SPAST: variants seen among roughly 807,000 people sequenced by gnomAD.
SPAST encodes the protein spastic paraplegia 4 (autosomal dominant; spastin).
SPAST carries 30 observed loss-of-function variants against 76.6 expected under a neutral mutation model. The ratio of observed to expected loss-of-function variants is 0.39; its 90% CI spans 0.29 to 0.53. SPAST has a LOEUF of 0.53. Ranked by LOEUF, SPAST falls within the 20% of genes least tolerant of loss-of-function variation. The pLI is 0.68. For missense variants in SPAST, 717 were observed against 770.5 expected (o/e 0.93, Z 0.82); for synonymous variants, 305 against 281.0 (o/e 1.09, Z -0.86).
At chr2:32,149,602 A>G (rs533009757) in intron 16 of SPAST, among the ~76,000 whole-genome samples, 33 of 152,372 alleles carry the variant, frequency 2.2e-4, no homozygotes, top group African/African-American at 7.7e-4. Flanking sequence ...CTGCAGATCA[A>G]AAATACTTGG....
intron 1 of SPAST, among the ~76,000 whole-genome samples, chr2:32,071,286 G>A (rs545955310): frequency 1.3e-5 from 2 of 152,284 alleles, no homozygotes; most frequent in East Asian, 1.9e-4. Context: ...ATCAGGCATC[G>A]AAGACAGAAA....
chr2:32,137,876 A>G (rs1274489913), intron 12 of SPAST, among the ~76,000 whole-genome samples: 2 of 152,006 alleles, frequency 1.3e-5, no homozygotes, highest in Non-Finnish European at 2.9e-5. Flanking sequence ...TGTGTACTCA[A>G]TTTTTAGCTC....
At chr2:32,086,245 C>T (rs1246147270) in intron 1 of SPAST, among the ~76,000 whole-genome samples, 2 of 151,844 alleles carry the variant, frequency 1.3e-5, no homozygotes, top group African/African-American at 4.8e-5. Flanking sequence ...ATTACTTGAG[C>T]CTAGGAGTTC....
At chr2:32,088,711 T>TA (rs869232747) in intron 2 of SPAST, among the ~76,000 whole-genome samples, 1 of 125,646 alleles carries the variant, frequency 8.0e-6, no homozygotes, top group Non-Finnish European at 1.7e-5. Context: ...CCAGTAAGAG[T>TA]AAAAAACAAT....
intron 2 of SPAST, 62 bp from the exon 3 acceptor site, chr2:32,089,460 A>G (rs1261325501): frequency 1.0e-6 from 1 of 955,176 alleles, no homozygotes; most frequent in Non-Finnish European, 1.7e-6. Context: ...TTGGGTGATA[A>G]TTTATCGTGA....
chr2:32,128,223 G>C, intron 8 of SPAST, 185 bp from the exon 9 acceptor site: 1 of 544,828 alleles, frequency 1.8e-6, no homozygotes, highest in East Asian at 3.3e-5. Flanking sequence ...TCAAACTCTT[G>C]GCCTCAAGTG....
intron 1 of SPAST, among the ~76,000 whole-genome samples, chr2:32,082,947 A>G (rs547711383): frequency 2.0e-4 from 30 of 151,670 alleles, no homozygotes; most frequent in South Asian, 6.3e-4. Flanking sequence ...TGTTTTTGTT[A>G]TTGTTGTTGT....
At chr2:32,137,249 A>G in intron 12 of SPAST, 61 bp downstream of exon 12, 1 of 1,212,228 alleles carries the variant, frequency 8.2e-7, no homozygotes, top group Non-Finnish European at 1.2e-6. Context: ...TCATGTGTCC[A>G]TCTTACATAT....
At chr2:32,079,288 G>T (rs966299208) in intron 1 of SPAST, among the ~76,000 whole-genome samples, 2 of 151,924 alleles carry the variant, frequency 1.3e-5, no homozygotes, top group African/African-American at 4.8e-5. Flanking sequence ...AGGCTAAGTG[G>T]GAGTATCACT....
At chr2:32,147,360 T>TG in intron 16 of SPAST, 102 bp downstream of exon 16, 1 of 734,592 alleles carries the variant, frequency 1.4e-6, no homozygotes, top group Admixed American at 2.9e-5. Flanking sequence ...TTTTTTTTTT[T>TG]TTTTTTTTTT....
chr2:32,068,352 C>T (rs1404609431), intron 1 of SPAST, among the ~76,000 whole-genome samples: 2 of 147,886 alleles, frequency 1.4e-5, no homozygotes, highest in African/African-American at 2.5e-5. Flanking sequence ...GGCAGAGTCT[C>T]GCTTCTTCAC....
intron 1 of SPAST, among the ~76,000 whole-genome samples, chr2:32,084,979 C>A (rs1677413107): frequency 6.6e-6 from 1 of 150,878 alleles, no homozygotes; most frequent in Admixed American, 6.6e-5. Context: ...ACATTGTACT[C>A]ATTTTGTTTT....
chr2:32,070,068 A>ATT (rs397869082), intron 1 of SPAST, among the ~76,000 whole-genome samples: 2 of 50,920 alleles, frequency 3.9e-5, no homozygotes, highest in Non-Finnish European at 4.1e-5. Context: ...AAAAAAAAAA[A>ATT]TTTTTTTTTT....
chr2:32,095,572 T>TAA (rs35757220), intron 3 of SPAST, among the ~76,000 whole-genome samples: 2 of 141,532 alleles, frequency 1.4e-5, no homozygotes, highest in African/African-American at 2.6e-5. Context: ...TGTCTAAATT[T>TAA]AAAAAAAAAA....
chr2:32,143,284 GAA>G lies in SPAST; in HGVS notation c.1537-51_1537-50del, dbSNP rs1286666638. The stretch of plus-strand genomic sequence containing the variant: ...CCTGTCTCAATATAAAAAAAGAAAA[GAA>G]TCATTAATTCTGAAATTAGACTGAA... On this transcript the variant is annotated intron_variant, in intron 13 of 16. Coordinates refer to ENST00000315285, the MANE Select transcript of SPAST (RefSeq NM_014946.4). 6 of 1,106,300 alleles carry G rather than the reference GAA, an allele frequency of 5.4e-6. No homozygotes were observed. In the African/African-American group the frequency reaches 9.3e-5, roughly 17 times the overall value. 68.5% of individuals were successfully genotyped at this position (1,106,300 alleles called of 1,614,324 possible). A position where few individuals can be genotyped will look rare whatever the true frequency, so the allele number is the denominator to read the frequency against.
At chr2:32,116,323 G>A in intron 7 of SPAST, 111 bp downstream of exon 7, 1 of 717,528 alleles carries the variant, frequency 1.4e-6, no homozygotes. Flanking sequence ...ATTCATATAA[G>A]GTAACAATAG....
Position 32,139,369 on chromosome 2 carries a change from C to A in SPAST, c.1493+2181C>A, listed in dbSNP as rs145521277. On this transcript the variant is annotated intron_variant, in intron 12 of 16. Coordinates refer to ENST00000315285, the MANE Select transcript of SPAST (RefSeq NM_014946.4). Reference sequence around the variant, plus strand: ...CAATATGATTCTATACTTTGAAAACCCTAAAAATTCCGTCAAAAGGCTACT... The same window carrying A: ...CAATATGATTCTATACTTTGAAAACACTAAAAATTCCGTCAAAAGGCTACT... 1.0e-3 allele frequency among the ~76,000 whole-genome samples: 157 copies of A among 152,158 alleles called. 1 individual carries two copies. The highest frequency in any genetic ancestry group is 1.4e-3 in the Non-Finnish European group (98 of 68,000).
intron 1 of SPAST, among the ~76,000 whole-genome samples, chr2:32,086,975 G>A (rs906071685): frequency 2.2e-4 from 33 of 152,152 alleles, no homozygotes; most frequent in African/African-American, 7.7e-4. Flanking sequence ...TAGTTGTTGG[G>A]TTCAAAGAAA....
At chr2:32,083,745 ATATAC>A (rs1272503868) in intron 1 of SPAST, among the ~76,000 whole-genome samples, 719 of 58,778 alleles carry the variant, frequency 0.012, 14 homozygotes, top group Middle Eastern at 0.028. Flanking sequence ...ATATATTTAT[ATATAC>A]TATATATATA....
Sources: allele counts gnomAD v4.1 joint callset (sites outside exome capture counted in the v4.1 genomes callset), GRCh38; gene constraint gnomAD v4.1.1; transcripts MANE v1.5; gene names NCBI Gene and HGNC (gene_info 2026-07-23, HGNC 2026-07-21).